The following BICD1 variants were observed in gnomAD, a reference collection of about 807,000 sequenced individuals.
The protein encoded by BICD1 is protein bicaudal D homolog 1.
In BICD1, 35 loss-of-function variants were observed where a neutral mutation model predicts 92.5. The observed-to-expected ratio is 0.38, with a 90% CI of 0.29 to 0.50. BICD1 has a LOEUF of 0.50. Ranked by LOEUF, BICD1 falls within the 20% of genes least tolerant of loss-of-function variation. The pLI is 0.93. For synonymous variants in BICD1, 429 were observed against 465.1 expected (o/e 0.92, Z 1.00); for missense variants, 950 against 1,189.8 (o/e 0.80, Z 2.97).
intron 2 of BICD1, among the ~76,000 whole-genome samples, chr12:32,244,288 G>A (rs917561554): frequency 2.0e-5 from 3 of 152,094 alleles, no homozygotes; most frequent in Admixed American, 6.6e-5. Context: ...TTTTCTTGAG[G>A]ACCATTTGAC....
chr12:32,116,510 CTATA>C (rs370907481), intron 1 of BICD1, among the ~76,000 whole-genome samples: 193 of 104,388 alleles, frequency 1.8e-3, no homozygotes, highest in African/African-American at 6.9e-3. Flanking sequence ...CTCTCTCTCT[CTATA>C]TATATATATA....
At chr12:32,358,715 G>A (rs138714760) in intron 8 of BICD1, among the ~76,000 whole-genome samples, 2,088 of 151,950 alleles carry the variant, frequency 0.014, 46 homozygotes, top group African/African-American at 0.048. Context: ...CCAGCCTGGC[G>A]ACAGAGTGAG....
intron 4 of BICD1, among the ~76,000 whole-genome samples, chr12:32,310,205 T>C (rs1948336998): frequency 6.6e-6 from 1 of 152,240 alleles, no homozygotes; most frequent in Admixed American, 6.5e-5. Context: ...CAATGTATTG[T>C]ATTGAAAATA....
At chr12:32,204,211 GTGGTGGCAGACATC>G (rs1944985499) in intron 1 of BICD1, among the ~76,000 whole-genome samples, 1 of 151,784 alleles carries the variant, frequency 6.6e-6, no homozygotes. Context: ...TTAACTGGGT[GTGGTGGCAGACATC>G]TGTGGTCCCA....
intron 4 of BICD1, among the ~76,000 whole-genome samples, chr12:32,318,874 A>G (rs1056157567): frequency 6.6e-6 from 1 of 152,176 alleles, no homozygotes; most frequent in African/African-American, 2.4e-5. Context: ...TTTTATTCTG[A>G]AGTATATTAT....
At chr12:32,223,317 A>T (rs911893650) in intron 2 of BICD1, among the ~76,000 whole-genome samples, 2 of 152,190 alleles carry the variant, frequency 1.3e-5, no homozygotes, top group African/African-American at 4.8e-5. Flanking sequence ...CAAGAGTTCG[A>T]GACCAGGCTG....
At chr12:32,258,593 A>G (rs1421810529) in intron 2 of BICD1, among the ~76,000 whole-genome samples, 1 of 151,986 alleles carries the variant, frequency 6.6e-6, no homozygotes, top group Non-Finnish European at 1.5e-5. Context: ...GCTGATATTT[A>G]TCGTATACAA....
chr12:32,306,458 A>C (rs544827155), intron 4 of BICD1, among the ~76,000 whole-genome samples: 18 of 151,776 alleles, frequency 1.2e-4, no homozygotes, highest in Non-Finnish European at 1.9e-4. Flanking sequence ...ATTAGCCAGG[A>C]TGGTCTCGAT....
chr12:32,324,213 G>C (rs112216798), intron 4 of BICD1, among the ~76,000 whole-genome samples: 12,226 of 152,068 alleles, frequency 0.08, 538 homozygotes, highest in Middle Eastern at 0.13. Flanking sequence ...AAATTAGCCA[G>C]GTGTGGTGGC....
At chr12:32,348,741 T>A (rs1349844185) in intron 8 of BICD1, among the ~76,000 whole-genome samples, 212 of 18,190 alleles carry the variant, frequency 0.012, 5 homozygotes, top group Middle Eastern at 0.065. Context: ...TATATATATA[T>A]ATATATATAT....
At position 32,328,375 on chromosome 12, in the gene BICD1, G is replaced by A; in HGVS notation, c.1920G>A (p.Gln640=). The A allele has an allele frequency of 6.2e-7, 1 of 1,614,214 alleles. No individual in the cohort carries two copies. Among genetic ancestry groups the A allele is most frequent in the South Asian group, 1.1e-5 (1 of 91,086 alleles). The change falls in exon 5 of 10, where the codon CAG becomes CAA. Residue 640 remains glutamine (Q), a synonymous_variant. Coordinates refer to ENST00000652176, the MANE Select transcript of BICD1 (RefSeq NM_001714.4). The surrounding 1 kb of genome is among the most constrained non-coding windows in gnomAD (Gnocchi z 4.4). ...AIIRDQIKHL[Q]KAVDRSLQLS... The stretch of plus-strand genomic sequence containing the variant: ...TCCGGGACCAAATCAAGCATCTGCA[G>A]AAAGCTGTGGACCGGTCCTTGCAAC...
chr12:32,222,354 C>T (rs945114653), intron 2 of BICD1, among the ~76,000 whole-genome samples: 2 of 152,126 alleles, frequency 1.3e-5, no homozygotes, highest in African/African-American at 4.8e-5. Flanking sequence ...AAATACCTTA[C>T]GTGCCTTAAC....
At chr12:32,347,896 A>G (rs1360725862) in intron 8 of BICD1, among the ~76,000 whole-genome samples, 1 of 152,196 alleles carries the variant, frequency 6.6e-6, no homozygotes, top group Non-Finnish European at 1.5e-5. Flanking sequence ...TTTAAATAGC[A>G]GAATTTATTG....
intron 1 of BICD1, among the ~76,000 whole-genome samples, chr12:32,125,236 T>C (rs906615311): frequency 6.6e-6 from 1 of 152,232 alleles, no homozygotes; most frequent in Non-Finnish European, 1.5e-5. Context: ...GAGCCCCTGA[T>C]GCCCTGCAGT....
intron 1 of BICD1, among the ~76,000 whole-genome samples, chr12:32,155,751 A>G (rs1943418017): frequency 6.6e-6 from 1 of 152,242 alleles, no homozygotes; most frequent in Non-Finnish European, 1.5e-5. Context: ...TGGGAGCAAC[A>G]TTTGTTAAGA....
At position 32,380,442 on chromosome 12, in the gene BICD1, T is replaced by C. The variant is rs1565709296; in HGVS notation, c.*2815T>C. Reference sequence around the variant, plus strand: ...GCACTAAAAAATACTGGCTAATTATTGCAAACAGAGTGAGCAAAGATTAAT... The same window carrying C: ...GCACTAAAAAATACTGGCTAATTATCGCAAACAGAGTGAGCAAAGATTAAT... On this transcript the variant is annotated 3_prime_UTR_variant, in exon 10 of 10. Transcript: ENST00000652176. The C allele has an allele frequency of 6.6e-6, 1 of 152,180 alleles. No homozygotes were observed. The highest frequency in any genetic ancestry group is 2.1e-4 in the South Asian group (1 of 4,832). The allele number at this position is 152,180 out of a possible 1,614,324, so 9.4% of individuals were successfully genotyped here. A position where few individuals can be genotyped will look rare whatever the true frequency, so the allele number is the denominator to read the frequency against.
chr12:32,223,431 C>T (rs780586368), intron 2 of BICD1, among the ~76,000 whole-genome samples: 4 of 150,778 alleles, frequency 2.7e-5, no homozygotes, highest in Non-Finnish European at 5.9e-5. Flanking sequence ...GGCGGAGAAT[C>T]GCTTGAACGT....
intron 2 of BICD1, among the ~76,000 whole-genome samples, chr12:32,293,172 T>G (rs1366857317): frequency 6.6e-6 from 1 of 152,216 alleles, no homozygotes; most frequent in African/African-American, 2.4e-5. Context: ...GACATGGAAG[T>G]GTGCATGTAT....
chr12:32,113,771 C>G (rs1941787295), intron 1 of BICD1, among the ~76,000 whole-genome samples: 1 of 146,354 alleles, frequency 6.8e-6, no homozygotes, highest in Non-Finnish European at 1.5e-5. Flanking sequence ...GTGCAGTGGT[C>G]TGATCTCAGC....
Sources: allele counts gnomAD v4.1 joint callset (sites outside exome capture counted in the v4.1 genomes callset), GRCh38; gene constraint gnomAD v4.1.1; non-coding constraint Gnocchi (gnomAD v3.1); transcripts MANE v1.5; gene names NCBI Gene and HGNC (gene_info 2026-07-23, HGNC 2026-07-21).